Variants in CYP4F22 observed in about 807,000 individuals in gnomAD.
CYP4F22 encodes the protein ultra-long-chain fatty acid omega-hydroxylase.
In CYP4F22, 37 loss-of-function variants were observed where a neutral mutation model predicts 60.4. That is an observed-to-expected ratio of 0.61 (90% CI 0.47 to 0.81). The LOEUF is 0.81. Among genes scored for constraint, CYP4F22 ranks in the 30% least tolerant of loss-of-function variants. CYP4F22 has a pLI of 0.00. For synonymous variants in CYP4F22, 258 were observed against 280.5 expected (o/e 0.92, Z 0.80); for missense variants, 655 against 715.0 (o/e 0.92, Z 0.96).
rs1971412905 is a variant in CYP4F22 at position 15,537,640 on chromosome 19, A to G, written c.527A>G (p.Asn176Ser). The G allele has an allele frequency of 6.2e-7, 1 of 1,613,624 alleles. No individual in the cohort carries two copies. Residue 176 changes from asparagine to serine, a missense_variant, in exon 6 of 14, where the codon AAC becomes AGC. Asn to Ser is a conservative substitution (Grantham distance 46). This residue lies in a region of CYP4F22 where 430 missense variants were observed against 457.1 expected (regional missense o/e 0.94). Coordinates refer to ENST00000269703, the MANE Select transcript of CYP4F22 (RefSeq NM_173483.4). ...DILKPYMKIF[N>S]QSADIMHAKW... ...CTGAAGCCTTACATGAAGATCTTCA[A>G]CCAGAGCGCTGACATTATGCATGTG... is the stretch of plus-strand genomic sequence containing the variant.
chr19:15,548,063 G>A lies in CYP4F22; in HGVS notation c.1137-45G>A, dbSNP rs1265597292. 7 of 1,600,964 alleles carry A rather than the reference G, an allele frequency of 4.4e-6. No homozygotes were observed. In the Admixed American group the frequency reaches 1.2e-4, roughly 27 times the overall value. ...TGTGTGTGTGTGTTTTGGGGAGGTG[G>A]TGCCATGGTGGCTCGGCCTCTAGTT... On this transcript the variant is annotated intron_variant, in intron 10 of 13. Coordinates refer to ENST00000269703, the MANE Select transcript of CYP4F22 (RefSeq NM_173483.4).
At chr19:15,548,488 T>C (rs1971559124) in intron 11 of CYP4F22, among the ~76,000 whole-genome samples, 2 of 151,832 alleles carry the variant, frequency 1.3e-5, no homozygotes, top group Admixed American at 6.6e-5. Context: ...GAGGGTGCAG[T>C]TGGGGAGGGT....
In CYP4F22 at chr19:15,537,941, A is replaced by G. The variant is rs1330271344; in HGVS notation, c.619A>G (p.Thr207Ala). ...TATGTTTGAGCATATCAGCCTCATG[A>G]CCCTGGACAGTCTTCAGAAATGTGT... ...LDMFEHISLM[T>A]LDSLQKCVFS... The change falls in exon 7 of 14, where the codon ACC becomes GCC. Residue 207 changes from threonine (T) to alanine (A), a missense_variant. Thr to Ala is a moderately conservative substitution (Grantham distance 58, BLOSUM62 0). Transcript: ENST00000269703. The G allele has an allele frequency of 6.2e-7, 1 of 1,614,044 alleles. No homozygotes were observed. The highest frequency in any genetic ancestry group is 2.2e-5 in the East Asian group (1 of 44,874).
intron 4 of CYP4F22, among the ~76,000 whole-genome samples, chr19:15,533,457 T>C (rs1971364250): frequency 6.6e-6 from 1 of 152,182 alleles, no homozygotes; most frequent in Non-Finnish European, 1.5e-5. Context: ...GCTTTCTGTC[T>C]CTATGTATTT....
chr19:15,515,623 G>A (rs535760620), intron 1 of CYP4F22, among the ~76,000 whole-genome samples: 12 of 152,088 alleles, frequency 7.9e-5, no homozygotes, highest in Admixed American at 1.3e-4. Flanking sequence ...CTACCCAGGA[G>A]GCTGAGGCAG....
intron 2 of CYP4F22, among the ~76,000 whole-genome samples, chr19:15,524,179 C>T (rs1049774275): frequency 4.6e-5 from 7 of 152,026 alleles, no homozygotes; most frequent in African/African-American, 9.7e-5. Flanking sequence ...AACAGGATGC[C>T]GAGTGAAGGA....
rs1226051186 is a variant in CYP4F22, at chr19:15,537,726, C to T, written c.549+64C>T. 74 of 1,606,930 alleles carry T rather than the reference C, an allele frequency of 4.6e-5. 1 individual carries two copies. The South Asian group carries it at 6.8e-4, about 15-fold the overall frequency. ...AGTGAGGCTGGTCCAGGCTCCAACT[C>T]ATGCATGGGCAAGCCATGTGATGTC... On this transcript the variant is annotated intron_variant, in intron 6 of 13. Coordinates refer to ENST00000269703, the MANE Select transcript of CYP4F22 (RefSeq NM_173483.4).
chr19:15,551,718 G>A lies in CYP4F22; in HGVS notation c.*247G>A. 1.7e-6 allele frequency: 1 copy of A among 594,432 alleles called. No individual in the cohort carries two copies. Among genetic ancestry groups the A allele is most frequent in the Admixed American group, 3.0e-5 (1 of 33,312 alleles). 36.8% of individuals were successfully genotyped at this position (594,432 alleles called of 1,614,324 possible). On this transcript the variant is annotated 3_prime_UTR_variant, in exon 14 of 14. Coordinates refer to ENST00000269703, the MANE Select transcript of CYP4F22 (RefSeq NM_173483.4). ...TCCCGCCCCCTGACTTCTCGCACCT[G>A]TCCTGTTTGAGGGACCAGGGTCGAC...
chr19:15,546,010 T>A (rs1013701290), intron 10 of CYP4F22, among the ~76,000 whole-genome samples: 13 of 152,142 alleles, frequency 8.5e-5, no homozygotes, highest in African/African-American at 2.2e-4. Flanking sequence ...TATTTTTTTT[T>A]AAGACACAGG....
rs139294400 is a variant in CYP4F22 at position 15,517,103 on chromosome 19, G to T, written c.-108-6590G>T. 6.1e-3 allele frequency among the ~76,000 whole-genome samples: 925 copies of T among 152,210 alleles called. 11 individuals are homozygous for T. The highest frequency in any genetic ancestry group is 0.021 in the African/African-American group (854 of 41,528). On this transcript the variant is annotated intron_variant, in intron 1 of 13. Transcript: ENST00000269703. The stretch of plus-strand genomic sequence containing the variant: ...CCCAAAGTGCTGGGATTACAAGTGT[G>T]AGCCACCGTGCCCGACCTCAAATGA...
chr19:15,549,011 G>A (rs1971564576), intron 11 of CYP4F22, 127 bp from the exon 12 acceptor site: 2 of 1,000,474 alleles, frequency 2.0e-6, no homozygotes, highest in South Asian at 1.4e-5. Flanking sequence ...TTTAGAGAAG[G>A]ATGGACAGAA....
At chr19:15,524,700 AAG>A (rs966373371) in intron 2 of CYP4F22, among the ~76,000 whole-genome samples, 1 of 147,034 alleles carries the variant, frequency 6.8e-6, no homozygotes, top group African/African-American at 2.7e-5. Context: ...GAAAGAAAGA[AAG>A]AGAGAGAGAA....
At chr19:15,541,268 T>C (rs956693326) in intron 8 of CYP4F22, among the ~76,000 whole-genome samples, 1 of 152,170 alleles carries the variant, frequency 6.6e-6, no homozygotes, top group African/African-American at 2.4e-5. Flanking sequence ...AAGTCCAAGA[T>C]CAAGGTATCT....
chr19:15,509,922 CTTCTTTCT>C (rs1177793281), intron 1 of CYP4F22, among the ~76,000 whole-genome samples: 7 of 115,584 alleles, frequency 6.1e-5, no homozygotes, highest in African/African-American at 1.6e-4. Context: ...TCTTTCCTTC[CTTCTTTCT>C]TTCTTTCTTT....
At chr19:15,538,046 G>T (rs1971419810) in intron 7 of CYP4F22, 53 bp downstream of exon 7, 1 of 1,611,322 alleles carries the variant, frequency 6.2e-7, no homozygotes, top group Non-Finnish European at 8.5e-7. Context: ...GGAGCAAGAT[G>T]GTGGCAGGAG....
At chr19:15,529,133 AT>A (rs60549680) in intron 3 of CYP4F22, among the ~76,000 whole-genome samples, 29 of 100,696 alleles carry the variant, frequency 2.9e-4, no homozygotes, top group Admixed American at 2.4e-3. Context: ...ATTTTATTTT[AT>A]TTTTTTTTTT....
rs570500512 is a variant in CYP4F22, at chr19:15,516,849, T to C, written c.-108-6844T>C. The C allele has an allele frequency of 8.0e-3, 2,950 of 367,882 alleles. 28 individuals carry two copies. Among genetic ancestry groups the C allele is most frequent in the Non-Finnish European group, 0.01 (2,469 of 238,602 alleles). 22.8% of individuals were successfully genotyped at this position (367,882 alleles called of 1,614,324 possible). ...GAGATGTTATTCTTTTTTTTTTTTT[T>C]TTTTTGAGACGGAGTCTGTTGCCAG... is the stretch of plus-strand genomic sequence containing the variant. On this transcript the variant is annotated intron_variant, in intron 1 of 13. Coordinates refer to ENST00000269703, the MANE Select transcript of CYP4F22 (RefSeq NM_173483.4).
chr19:15,551,240 G>A, intron 13 of CYP4F22, 54 bp from the exon 14 acceptor site: 1 of 1,581,482 alleles, frequency 6.3e-7, no homozygotes, highest in Non-Finnish European at 8.6e-7. Context: ...GTGACCCCCG[G>A]GGACCAGTGC....
intron 10 of CYP4F22, 33 bp downstream of exon 10, chr19:15,544,312 G>A (rs1971498141): frequency 4.4e-6 from 7 of 1,605,192 alleles, no homozygotes; most frequent in Non-Finnish European, 5.1e-6. Flanking sequence ...GGAGGGGGCA[G>A]GTTGAGGCCA....
Sources: allele counts gnomAD v4.1 joint callset (sites outside exome capture counted in the v4.1 genomes callset), GRCh38; gene constraint gnomAD v4.1.1; regional missense constraint gnomAD v4.1.1; transcripts MANE v1.5; gene names NCBI Gene and HGNC (gene_info 2026-07-23, HGNC 2026-07-21).